NALF1: variants seen among roughly 807,000 people sequenced by gnomAD.
NALF1 encodes family with sequence similarity 155 member A.
A neutral mutation model predicts 48.4 loss-of-function variants in NALF1; 3 were observed. The ratio of observed to expected loss-of-function variants is 0.06; its 90% CI spans 0.03 to 0.16. NALF1 has a LOEUF of 0.16. Among genes scored for constraint, NALF1 ranks in the 10% least tolerant of loss-of-function variants. NALF1 has a pLI of 1.00. For missense variants in NALF1, 526 were observed against 571.5 expected, an observed-to-expected ratio of 0.92 and a Z score of 0.81; for synonymous variants, 262 against 245.7, an observed-to-expected ratio of 1.07 and a Z score of -0.62.
At chr13:107,818,776 G>A (rs1480493259) in intron 1 of NALF1, among the ~76,000 whole-genome samples, 2 of 141,400 alleles carry the variant, frequency 1.4e-5, no homozygotes, top group Non-Finnish European at 3.0e-5. Flanking sequence ...GGAGGCTGAG[G>A]CAGGAGAATG....
At position 107,793,331 on chromosome 13, in the gene NALF1, G is replaced by A. The variant is rs1362043387; in HGVS notation, c.915+72351C>T. The stretch of plus-strand genomic sequence containing the variant: ...GATAAGCACTCTCTACAACAACAGT[G>A]AAAAATTCACATTGTCAACACTAGA... On this transcript the variant is annotated intron_variant, in intron 1 of 2. Transcript: ENST00000375915. Among the ~76,000 whole-genome samples the A allele has an allele frequency of 2.6e-5, 4 of 152,128 alleles. No individual in the cohort carries two copies. The East Asian group carries it at 5.8e-4, about 22-fold the overall frequency.
At position 107,495,263 on chromosome 13, in the gene NALF1, G is replaced by A. The variant is rs534974698; in HGVS notation, c.916-284508C>T. On this transcript the variant is annotated intron_variant, in intron 1 of 2. Transcript: ENST00000375915. ...CTTTTTGTGGTACATAAAGAGATGC[G>A]CCAAATTACAGCAACAACAATGTCA... Among the ~76,000 whole-genome samples, 7 of 152,230 alleles carry A rather than the reference G, an allele frequency of 4.6e-5. No homozygotes were observed. In the South Asian group the frequency reaches 6.2e-4, roughly 14 times the overall value.
chr13:107,337,197 TA>T (rs1420891738), intron 1 of NALF1, among the ~76,000 whole-genome samples: 1 of 152,070 alleles, frequency 6.6e-6, no homozygotes, highest in Admixed American at 6.6e-5. Context: ...AACTGGTTTT[TA>T]AAAAGGTCTG....
intron 1 of NALF1, among the ~76,000 whole-genome samples, chr13:107,771,408 T>C (rs1877572222): frequency 6.6e-6 from 1 of 151,642 alleles, no homozygotes; most frequent in Non-Finnish European, 1.5e-5. Flanking sequence ...ATTTTATGCA[T>C]ACACATATAT....
chr13:107,261,809 T>A (rs1880932647), intron 1 of NALF1, among the ~76,000 whole-genome samples: 1 of 152,232 alleles, frequency 6.6e-6, no homozygotes, highest in Non-Finnish European at 1.5e-5. Flanking sequence ...AGCAAATAAA[T>A]CACTAATTTC....
In NALF1 at chr13:107,768,792, T is replaced by A. The variant is rs554595365; in HGVS notation, c.915+96890A>T. Among the ~76,000 whole-genome samples, 26 of 152,280 alleles carry A rather than the reference T, an allele frequency of 1.7e-4. No homozygotes were observed. The East Asian group carries it at 4.6e-3, about 27-fold the overall frequency. On this transcript the variant is annotated intron_variant, in intron 1 of 2. Transcript: ENST00000375915. Reference sequence around the variant, plus strand: ...AGAAAATTTTCGCAACCTACTCATCTGACAAACGGCTAATATCCAGAATCT... The same window carrying A: ...AGAAAATTTTCGCAACCTACTCATCAGACAAACGGCTAATATCCAGAATCT...
intron 1 of NALF1, among the ~76,000 whole-genome samples, chr13:107,619,875 A>AT (rs1879476966): frequency 6.6e-6 from 1 of 152,270 alleles, no homozygotes; most frequent in South Asian, 2.1e-4. Context: ...GAATCTTTTC[A>AT]TTTTTCCAGA....
intron 2 of NALF1, among the ~76,000 whole-genome samples, chr13:107,185,896 T>C (rs544381301): frequency 4.6e-5 from 7 of 152,190 alleles, no homozygotes; most frequent in Non-Finnish European, 8.8e-5. Flanking sequence ...TCACTTACAA[T>C]GTCCACTTCT....
intron 1 of NALF1, among the ~76,000 whole-genome samples, chr13:107,545,470 A>C (rs1048920604): frequency 3.3e-5 from 5 of 152,156 alleles, no homozygotes; most frequent in African/African-American, 1.2e-4. Context: ...TGGTAGCTTG[A>C]GAAAGCCAAT....
intron 1 of NALF1, among the ~76,000 whole-genome samples, chr13:107,731,272 T>C (rs1876300947): frequency 6.6e-6 from 1 of 152,150 alleles, no homozygotes. Context: ...TCACTTCAAG[T>C]TAACATGGCA....
chr13:107,850,877 T>C (rs897978057), intron 1 of NALF1, among the ~76,000 whole-genome samples: 1 of 151,622 alleles, frequency 6.6e-6, no homozygotes, highest in Non-Finnish European at 1.5e-5. Context: ...CACTCCAGCC[T>C]GGATGACAGA....
chr13:107,746,935 A>G (rs1240990709), intron 1 of NALF1, among the ~76,000 whole-genome samples: 3 of 152,194 alleles, frequency 2.0e-5, no homozygotes, highest in African/African-American at 7.2e-5. Context: ...CTGAAGCTGT[A>G]AAACTCTTAG....
At chr13:107,190,243 G>A (rs909718454) in intron 2 of NALF1, among the ~76,000 whole-genome samples, 1 of 152,188 alleles carries the variant, frequency 6.6e-6, no homozygotes, top group African/African-American at 2.4e-5. Flanking sequence ...TGAAGAGACA[G>A]TATTGCTAAT....
chr13:107,206,821 C>T (rs558423848), intron 2 of NALF1, among the ~76,000 whole-genome samples: 40 of 152,234 alleles, frequency 2.6e-4, no homozygotes, highest in African/African-American at 8.7e-4. Flanking sequence ...TGTGCAGTTA[C>T]GTGCTTACAG....
intron 1 of NALF1, among the ~76,000 whole-genome samples, chr13:107,588,456 G>C (rs1039016232): frequency 6.6e-6 from 1 of 152,062 alleles, no homozygotes; most frequent in Non-Finnish European, 1.5e-5. Flanking sequence ...ATAACACAGA[G>C]ACCCCAAATA....
intron 1 of NALF1, among the ~76,000 whole-genome samples, chr13:107,241,376 G>C (rs1880468371): frequency 6.6e-6 from 1 of 152,156 alleles, no homozygotes; most frequent in Non-Finnish European, 1.5e-5. Flanking sequence ...AGATTGGAGT[G>C]GGGTCATAGA....
At position 107,403,364 on chromosome 13, in the gene NALF1, GCTCTGACA is replaced by G. The variant is rs549485789; in HGVS notation, c.916-192617_916-192610del. On this transcript the variant is annotated intron_variant, in intron 1 of 2. Coordinates refer to ENST00000375915, the MANE Select transcript of NALF1 (RefSeq NM_001080396.3). ...GCTCTCCTGTGGAATGCATGTGCTT[GCTCTGACA>G]GAGCAAATTTTCAGTAGGTAAGAAT... Among the ~76,000 whole-genome samples the G allele has an allele frequency of 2.2e-3, 330 of 151,678 alleles. 2 individuals carry two copies. The highest frequency in any genetic ancestry group is 7.1e-3 in the African/African-American group (293 of 41,386).
In NALF1 at chr13:107,852,977, C is replaced by A. The variant is rs188010202; in HGVS notation, c.915+12705G>T. Among the ~76,000 whole-genome samples the A allele has an allele frequency of 7.9e-5, 12 of 152,250 alleles. No individual in the cohort carries two copies. The East Asian group carries it at 2.1e-3, about 27-fold the overall frequency. On this transcript the variant is annotated intron_variant, in intron 1 of 2. Coordinates refer to ENST00000375915, the MANE Select transcript of NALF1 (RefSeq NM_001080396.3). ...TTCAGCCACTTCATCTTGTCCCATG[C>A]ATTTCAAATGTCAGACTATTAAGAT... is the stretch of plus-strand genomic sequence containing the variant.
At chr13:107,422,955 C>T (rs1291043829) in intron 1 of NALF1, among the ~76,000 whole-genome samples, 2 of 152,018 alleles carry the variant, frequency 1.3e-5, no homozygotes, top group Non-Finnish European at 2.9e-5. Flanking sequence ...TTTCCTAGAG[C>T]GTCCAACAGG....
Sources: allele counts gnomAD v4.1 joint callset (sites outside exome capture counted in the v4.1 genomes callset), GRCh38; gene constraint gnomAD v4.1.1; transcripts MANE v1.5; gene names NCBI Gene and HGNC (gene_info 2026-07-23, HGNC 2026-07-21).